Variants in STX17 observed in about 807,000 individuals in gnomAD.
The protein encoded by STX17 is syntaxin-17.
A neutral mutation model predicts 35.9 loss-of-function variants in STX17; 29 were observed. The ratio of observed to expected loss-of-function variants is 0.81; its 90% CI spans 0.60 to 1.10. The LOEUF (loss-of-function observed/expected upper bound fraction) is 1.10, where lower values mean the gene tolerates loss of function less well. STX17 is among the 50% of genes least tolerant of loss of function. The pLI, the probability that STX17 is intolerant of heterozygous loss-of-function variation, is 0.00. For synonymous variants in STX17, 92 were observed against 118.3 expected (o/e 0.78, Z 1.44); for missense variants, 312 against 352.3 (o/e 0.89, Z 0.92).
chr9:99,957,732 C>T (rs975621859), intron 4 of STX17, among the ~76,000 whole-genome samples: 1 of 150,080 alleles, frequency 6.7e-6, no homozygotes, highest in African/African-American at 2.5e-5. Flanking sequence ...TGGCTCACTG[C>T]AACCTCTGCC....
chr9:99,960,087 T>C lies in STX17; in HGVS notation c.532-18T>C. On this transcript the variant is annotated intron_variant, in intron 5 of 7. Coordinates refer to ENST00000259400, the MANE Select transcript of STX17 (RefSeq NM_017919.3). ...GTTGTGAGGCATAAAAGTAACTTCC[T>C]CTCCCTTTCTTTTAAAGGACTTAAT... 4.3e-6 allele frequency: 7 copies of C among 1,614,032 alleles called. No individual in the cohort carries two copies. Among genetic ancestry groups the C allele is most frequent in the Non-Finnish European group, 5.9e-6 (7 of 1,179,934 alleles).
rs1828746491 is a variant in STX17, at chr9:99,915,308, A to G, written c.69A>G (p.Ile23Met). 2 of 1,613,050 alleles carry G rather than the reference A, an allele frequency of 1.2e-6. No individual in the cohort carries two copies. The highest frequency in any genetic ancestry group is 8.5e-7 in the Non-Finnish European group (1 of 1,179,540). Residue 23 changes from isoleucine (I) to methionine (M), a missense_variant, in exon 2 of 8, where the codon ATA becomes ATG. Ile to Met is a conservative substitution (Grantham distance 10). Transcript: ENST00000259400. ...LEPAIQKFIK[I>M]VIPTDLERLR... ...CAGCTATCCAGAAATTCATTAAGAT[A>G]GTAATCCCAACAGACCTGGAAAGGT...
At chr9:99,962,778 C>T (rs1829851515) in intron 6 of STX17, among the ~76,000 whole-genome samples, 2 of 152,144 alleles carry the variant, frequency 1.3e-5, no homozygotes, top group African/African-American at 4.8e-5. Flanking sequence ...AGACAGAATG[C>T]TAATAAGCAA....
chr9:99,967,626 G>T (rs758916529), intron 6 of STX17, 27 bp from the exon 7 acceptor site: 1 of 1,605,134 alleles, frequency 6.2e-7, no homozygotes, highest in Non-Finnish European at 8.5e-7. Context: ...CAGCAGGACC[G>T]CTCACTCATA....
At chr9:99,916,410 TATTTATTTATTTATTTATTTATTC>T (rs1366373280) in intron 2 of STX17, among the ~76,000 whole-genome samples, 2 of 113,922 alleles carry the variant, frequency 1.8e-5, no homozygotes, top group Non-Finnish European at 3.9e-5. Flanking sequence ...TTTATTTATT[TATTTATTTATTTATTTATTTATTC>T]ATTCATTCAT....
At chr9:99,957,715 G>A (rs560970268) in intron 4 of STX17, among the ~76,000 whole-genome samples, 9 of 150,228 alleles carry the variant, frequency 6.0e-5, no homozygotes, top group African/African-American at 2.2e-4. Flanking sequence ...AGTCAGTGGA[G>A]TGATCTTGGC....
intron 2 of STX17, among the ~76,000 whole-genome samples, chr9:99,924,728 C>T (rs1828955573): frequency 6.6e-6 from 1 of 151,998 alleles, no homozygotes; most frequent in Non-Finnish European, 1.5e-5. Flanking sequence ...TTTTTCTAGC[C>T]TTTGCCCCAC....
intron 2 of STX17, among the ~76,000 whole-genome samples, chr9:99,925,498 C>G (rs1828969993): frequency 6.6e-6 from 1 of 152,112 alleles, no homozygotes; most frequent in African/African-American, 2.4e-5. Flanking sequence ...CCCTTTCTAT[C>G]AACTTGAAGT....
At chr9:99,953,532 T>C (rs1829646923) in intron 4 of STX17, among the ~76,000 whole-genome samples, 1 of 152,048 alleles carries the variant, frequency 6.6e-6, no homozygotes, top group Non-Finnish European at 1.5e-5. Flanking sequence ...TGCTGCCATA[T>C]TGGTGAGGTT....
At chr9:99,951,559 G>T (rs930394848) in intron 4 of STX17, among the ~76,000 whole-genome samples, 2 of 151,980 alleles carry the variant, frequency 1.3e-5, no homozygotes, top group African/African-American at 4.8e-5. Flanking sequence ...ATTTCCTAAG[G>T]ATAATGTCAT....
chr9:99,966,911 A>C (rs1447423073), intron 6 of STX17, among the ~76,000 whole-genome samples: 1 of 152,184 alleles, frequency 6.6e-6, no homozygotes, highest in Non-Finnish European at 1.5e-5. Flanking sequence ...GAGGAGATTG[A>C]CCTGATGACC....
At position 99,960,020 on chromosome 9, in the gene STX17, A is replaced by C; in HGVS notation, c.519A>C (p.Glu173Asp). The change falls in exon 5 of 8, where the codon GAA (glutamate) becomes GAC (aspartate). Residue 173 changes from glutamate (E) to aspartate (D), a missense_variant. Coordinates refer to ENST00000259400, the MANE Select transcript of STX17 (RefSeq NM_017919.3). ...ATCAAAATGCTGCAGAATCGTGGGA[A>C]ACCTTAGAAGCGGTATGTTAAAAAA... ...PQDQNAAESW[E>D]TLEADLIELS... The C allele has an allele frequency of 6.2e-7, 1 of 1,614,066 alleles. No individual in the cohort carries two copies. The highest frequency in any genetic ancestry group is 1.1e-5 in the South Asian group (1 of 91,060).
intron 6 of STX17, among the ~76,000 whole-genome samples, chr9:99,966,591 A>AT (rs1180385261): frequency 2.6e-5 from 4 of 152,086 alleles, no homozygotes; most frequent in Admixed American, 2.6e-4. Flanking sequence ...TCAAAGAGAG[A>AT]TTCTCTTTTT....
chr9:99,967,972 A>G (rs1829949198), intron 7 of STX17, among the ~76,000 whole-genome samples: 1 of 152,228 alleles, frequency 6.6e-6, no homozygotes. Flanking sequence ...CTCTGCTGTA[A>G]GGCATTTGGT....
rs114237263 is a variant in STX17, at chr9:99,946,886, A to G, written c.190-4174A>G. ...TTCTTTGCAAGAAACTCTTGTCTCT[A>G]GCTGCTTTTAGACATCTTTTCTCCT... is the stretch of plus-strand genomic sequence containing the variant. On this transcript the variant is annotated intron_variant, in intron 3 of 7. Coordinates refer to ENST00000259400, the MANE Select transcript of STX17 (RefSeq NM_017919.3). Among the ~76,000 whole-genome samples, 425 of 152,152 alleles carry G rather than the reference A, an allele frequency of 2.8e-3. 3 individuals are homozygous for G. Among genetic ancestry groups the G allele is most frequent in the African/African-American group, 9.7e-3 (403 of 41,522 alleles).
At chr9:99,948,656 A>G (rs1829532954) in intron 3 of STX17, among the ~76,000 whole-genome samples, 1 of 152,188 alleles carries the variant, frequency 6.6e-6, no homozygotes, top group Admixed American at 6.5e-5. Context: ...CTGTTAGCAC[A>G]ATCGATAACT....
intron 4 of STX17, 101 bp from the exon 5 acceptor site, chr9:99,959,816 A>G: frequency 2.3e-6 from 2 of 851,814 alleles, no homozygotes; most frequent in Non-Finnish European, 3.8e-6. Flanking sequence ...ATTTAATTAG[A>G]CACCATTTAA....
intron 3 of STX17, among the ~76,000 whole-genome samples, chr9:99,940,342 GC>G (rs1564067018): frequency 6.6e-6 from 1 of 151,820 alleles, no homozygotes; most frequent in Non-Finnish European, 1.5e-5. Context: ...CGTTGGCCAG[GC>G]TGGTCTCAAA....
rs777321112 is a variant in STX17, at chr9:99,915,626, T to C, written c.123+264T>C. On this transcript the variant is annotated intron_variant, in intron 2 of 7. Coordinates refer to ENST00000259400, the MANE Select transcript of STX17 (RefSeq NM_017919.3). ...GTTTGTTTGAGAGACAAGGTCTTGC[T>C]CTGTTGCCCAGGCTGGAGTGCAGTG... is the stretch of plus-strand genomic sequence containing the variant. Among the ~76,000 whole-genome samples the C allele has an allele frequency of 6.4e-4, 97 of 152,326 alleles. 1 individual carries two copies. Among genetic ancestry groups the C allele is most frequent in the South Asian group, 1.4e-3 (7 of 4,830 alleles).
Sources: allele counts gnomAD v4.1 joint callset (sites outside exome capture counted in the v4.1 genomes callset), GRCh38; gene constraint gnomAD v4.1.1; transcripts MANE v1.5; gene names NCBI Gene and HGNC (gene_info 2026-07-23, HGNC 2026-07-21).